The following NYAP2 variants were observed in gnomAD, a reference collection of about 807,000 sequenced individuals.
NYAP2 encodes neuronal tyrosine-phosphorylated phosphoinositide-3-kinase adapter 2.
NYAP2 carries 23 observed loss-of-function variants against 50.4 expected under a neutral mutation model. That is an observed-to-expected ratio of 0.46 (90% CI 0.33 to 0.65). NYAP2 has a LOEUF of 0.65. Ranked by LOEUF, NYAP2 falls within the 30% of genes least tolerant of loss-of-function variation. The probability of loss-of-function intolerance (pLI) is 0.02; values close to 1 mark genes in which losing one functional copy is unlikely to be tolerated. For missense variants in NYAP2, 885 were observed against 861.0 expected (o/e 1.03, Z -0.35); for synonymous variants, 394 against 365.2 (o/e 1.08, Z -0.90).
chr2:225,517,408 C>T (rs1690955639), intron 4 of NYAP2, among the ~76,000 whole-genome samples: 1 of 152,098 alleles, frequency 6.6e-6, no homozygotes, highest in Non-Finnish European at 1.5e-5. Context: ...ATCCCCATTC[C>T]TCAGGTAAAC....
At chr2:225,491,936 T>C (rs1303972652) in intron 3 of NYAP2, among the ~76,000 whole-genome samples, 1 of 152,204 alleles carries the variant, frequency 6.6e-6, no homozygotes, top group African/African-American at 2.4e-5. Flanking sequence ...AAAAAACCTA[T>C]ACCCTATCTG....
upstream of NYAP2, among the ~76,000 whole-genome samples, chr2:225,399,496 C>G (rs1694822047): frequency 6.6e-6 from 1 of 151,904 alleles, no homozygotes; most frequent in South Asian, 2.1e-4. Flanking sequence ...GAATTAATGA[C>G]ATACATATCA....
chr2:225,542,953 C>T (rs74707293), intron 4 of NYAP2, among the ~76,000 whole-genome samples: 428 of 151,930 alleles, frequency 2.8e-3, no homozygotes, highest in African/African-American at 0.01. Flanking sequence ...ACTTGCAATT[C>T]GTCTGTTCAG....
At chr2:225,702,023 C>T in the NYAP2 span, 1 of 151,678 alleles carries the variant, frequency 6.6e-6, no homozygotes, top group Non-Finnish European at 1.5e-5. Flanking sequence ...TTTAATATCA[C>T]TTCCATGTTA....
At chr2:225,433,765 C>A (rs754287584) in intron 3 of NYAP2, among the ~76,000 whole-genome samples, 3 of 128,732 alleles carry the variant, frequency 2.3e-5, no homozygotes, top group African/African-American at 8.7e-5. Flanking sequence ...CGCAGTGAGC[C>A]GAGATCGCGC....
At chr2:225,564,882 C>A (rs550843550) in intron 4 of NYAP2, among the ~76,000 whole-genome samples, 25 of 152,242 alleles carry the variant, frequency 1.6e-4, no homozygotes, top group African/African-American at 5.8e-4. Flanking sequence ...ATAATCCCAG[C>A]ACTGTGGGAG....
intron 6 of NYAP2, among the ~76,000 whole-genome samples, chr2:225,646,141 A>C (rs1311180442): frequency 6.6e-6 from 1 of 152,232 alleles, no homozygotes; most frequent in African/African-American, 2.4e-5. Context: ...GATTTGTTTC[A>C]TCAGCCTGGT....
At chr2:225,531,706 G>T (rs1691255578) in intron 4 of NYAP2, among the ~76,000 whole-genome samples, 1 of 152,192 alleles carries the variant, frequency 6.6e-6, no homozygotes, top group Non-Finnish European at 1.5e-5. Flanking sequence ...TTAGAGAAAA[G>T]CATGGTGATT....
chr2:225,506,505 G>A (rs537518231), intron 3 of NYAP2, among the ~76,000 whole-genome samples: 1 of 152,290 alleles, frequency 6.6e-6, no homozygotes, highest in East Asian at 1.9e-4. Context: ...CAATTTCCAT[G>A]AGCACAGCTC....
At chr2:225,591,974 T>C (rs1024856581) in intron 5 of NYAP2, among the ~76,000 whole-genome samples, 2 of 152,178 alleles carry the variant, frequency 1.3e-5, no homozygotes, top group Non-Finnish European at 2.9e-5. Flanking sequence ...AGGAACTCTG[T>C]ACCCCAGGTT....
the NYAP2 span, among the ~76,000 whole-genome samples, chr2:225,670,611 A>AG: frequency 3.8e-5 from 4 of 104,414 alleles, no homozygotes; most frequent in Non-Finnish European, 8.9e-5. Flanking sequence ...TTTCCAAAAA[A>AG]AAAAAAAAAA....
chr2:225,474,466 T>G (rs865893423), intron 3 of NYAP2, among the ~76,000 whole-genome samples: 1 of 152,346 alleles, frequency 6.6e-6, no homozygotes, highest in Middle Eastern at 3.4e-3. Context: ...TCCATTTGTT[T>G]GTATCCTCTT....
At chr2:225,473,570 C>T (rs1690050250) in intron 3 of NYAP2, among the ~76,000 whole-genome samples, 2 of 152,208 alleles carry the variant, frequency 1.3e-5, no homozygotes, top group African/African-American at 4.8e-5. Flanking sequence ...TGATGATGAA[C>T]CTTTTTTCAT....
At chr2:225,568,476 G>T (rs953927355) in intron 4 of NYAP2, among the ~76,000 whole-genome samples, 2 of 151,956 alleles carry the variant, frequency 1.3e-5, no homozygotes, top group Admixed American at 6.6e-5. Flanking sequence ...CAAATTATAG[G>T]GGTGCTCATG....
intron 4 of NYAP2, among the ~76,000 whole-genome samples, chr2:225,518,836 A>G (rs1007845200): frequency 1.3e-5 from 2 of 151,568 alleles, no homozygotes; most frequent in East Asian, 1.9e-4. Context: ...CTGGCCAACA[A>G]GGTGAAACCC....
At chr2:225,578,007 C>G (rs1001650237) in intron 4 of NYAP2, among the ~76,000 whole-genome samples, 2 of 152,092 alleles carry the variant, frequency 1.3e-5, no homozygotes, top group Non-Finnish European at 2.9e-5. Context: ...TCTTGGGTCA[C>G]TGCAACTTCT....
intron 4 of NYAP2, among the ~76,000 whole-genome samples, chr2:225,541,329 C>T (rs1230772849): frequency 6.6e-6 from 1 of 152,010 alleles, no homozygotes; most frequent in Non-Finnish European, 1.5e-5. Context: ...CTTTAGTTGC[C>T]TGTGCTTCTG....
exon 7 of NYAP2, chr2:225,651,597 C>T (rs1336273804): frequency 6.2e-7 from 1 of 1,612,476 alleles, no homozygotes; most frequent in Admixed American, 1.7e-5. Flanking sequence ...AAATGCTTCC[C>T]ACCTCTGTCT....
At chr2:225,680,489 CA>C in the NYAP2 span, among the ~76,000 whole-genome samples, 1 of 152,090 alleles carries the variant, frequency 6.6e-6, no homozygotes, top group Non-Finnish European at 1.5e-5. Flanking sequence ...TCAGTTTTCT[CA>C]AGAAATTCTT....
Sources: allele counts gnomAD v4.1 joint callset (sites outside exome capture counted in the v4.1 genomes callset), GRCh38; gene constraint gnomAD v4.1.1; transcripts MANE v1.5; gene names NCBI Gene and HGNC (gene_info 2026-07-23, HGNC 2026-07-21).